The following CDC14A variants were observed in gnomAD, a reference collection of about 807,000 sequenced individuals.
CDC14A encodes cell division cycle 14A, also known as dual specificity protein phosphatase CDC14A.
In CDC14A, 53 loss-of-function variants were observed where a neutral mutation model predicts 74.4. That is an observed-to-expected ratio of 0.71 (90% CI 0.57 to 0.89). The LOEUF (loss-of-function observed/expected upper bound fraction) is 0.89. Among genes scored for constraint, CDC14A ranks in the 40% least tolerant of loss-of-function variants. The pLI is 0.00. For synonymous variants in CDC14A, 247 were observed against 258.4 expected (o/e 0.96, Z 0.43); for missense variants, 646 against 713.7 (o/e 0.91, Z 1.08).
Position 100,498,069 on chromosome 1 carries a change from A to G in CDC14A, c.1299-16A>G. ...GACTACTTTATTGTGACACTTTGCCATTTTTCTCCGCAAAGATTAAGTTCA... is the reference window on the plus strand; with the variant it reads ...GACTACTTTATTGTGACACTTTGCCGTTTTTCTCCGCAAAGATTAAGTTCA... On this transcript the variant is annotated splice_polypyrimidine_tract_variant and intron_variant, in intron 13 of 15. Coordinates refer to ENST00000336454, the MANE Select transcript of CDC14A (RefSeq NM_003672.4). 2 of 1,605,230 alleles carry G rather than the reference A, an allele frequency of 1.2e-6. No homozygotes were observed. Among genetic ancestry groups the G allele is most frequent in the Non-Finnish European group, 1.7e-6 (2 of 1,177,312 alleles).
chr1:100,442,458 G>GA (rs1051362006), intron 6 of CDC14A, among the ~76,000 whole-genome samples: 4 of 148,474 alleles, frequency 2.7e-5, no homozygotes, highest in African/African-American at 4.9e-5. Flanking sequence ...TATTAAGGAA[G>GA]AAAAAACAGT....
At chr1:100,426,403 C>T (rs1662965957) in intron 5 of CDC14A, among the ~76,000 whole-genome samples, 1 of 152,114 alleles carries the variant, frequency 6.6e-6, no homozygotes, top group Non-Finnish European at 1.5e-5. Flanking sequence ...TGAGCCACTG[C>T]ACCCAGTCAA....
rs575255508 is a variant in CDC14A at position 100,426,129 on chromosome 1, A to G, written c.389+1828A>G. Among the ~76,000 whole-genome samples, 3 of 152,308 alleles carry G rather than the reference A, an allele frequency of 2.0e-5. No homozygotes were observed. In the East Asian group the frequency reaches 5.8e-4, roughly 29 times the overall value. ...TACTGTTAGTAACATAATTAATAGT[A>G]GTAGTAATTATTATTACAGGGTCTT... On this transcript the variant is annotated intron_variant, in intron 5 of 15. Transcript: ENST00000336454.
In CDC14A at chr1:100,424,283, C is replaced by G; in HGVS notation, c.371C>G (p.Pro124Arg). 1 of 1,613,328 alleles carries G rather than the reference C, an allele frequency of 6.2e-7. No homozygotes were observed. Among genetic ancestry groups the G allele is most frequent in the Non-Finnish European group, 8.5e-7 (1 of 1,179,336 alleles). Residue 124 changes from proline to arginine, a missense_variant, in exon 5 of 16, where the codon CCC becomes CGC. Transcript: ENST00000336454. ...AGAGCACTCCTGTCTGGCTCAAACCCCCCCTATCTTCCATTCAGGTATAAC... is the reference window on the plus strand; with the variant it reads ...AGAGCACTCCTGTCTGGCTCAAACCGCCCCTATCTTCCATTCAGGTATAAC... The part of the protein sequence containing the change: ...AYRALLSGSN[P>R]PYLPFRDASF...
rs1373516407 is a variant in CDC14A, at chr1:100,508,137, G to A, written c.1755+8875G>A. On this transcript the variant is annotated intron_variant, in intron 15 of 15. Coordinates refer to ENST00000336454, the MANE Select transcript of CDC14A (RefSeq NM_003672.4). The surrounding 1 kb of genome is among the most constrained non-coding windows in gnomAD (Gnocchi z 4.4). ...TTTTCTTTAATGTGTCCATTCTGGAGTATATCCCCCAATCCACTGACCTTT... is the reference window on the plus strand; with the variant it reads ...TTTTCTTTAATGTGTCCATTCTGGAATATATCCCCCAATCCACTGACCTTT... 1.3e-5 allele frequency among the ~76,000 whole-genome samples: 2 copies of A among 152,062 alleles called. No individual in the cohort carries two copies. The highest frequency in any genetic ancestry group is 2.9e-5 in the Non-Finnish European group (2 of 68,014).
intron 10 of CDC14A, among the ~76,000 whole-genome samples, chr1:100,476,466 T>C (rs1310275156): frequency 6.6e-6 from 1 of 152,060 alleles, no homozygotes; most frequent in Non-Finnish European, 1.5e-5. Flanking sequence ...TCAGCTCTAT[T>C]GGCATTTTTG....
intron 10 of CDC14A, among the ~76,000 whole-genome samples, chr1:100,469,091 A>G (rs946893818): frequency 6.6e-6 from 1 of 152,214 alleles, no homozygotes; most frequent in South Asian, 2.1e-4. Context: ...ATTCTTTTCC[A>G]TATAATTATT....
At chr1:100,488,315 A>G (rs1263591315) in intron 11 of CDC14A, among the ~76,000 whole-genome samples, 1 of 152,158 alleles carries the variant, frequency 6.6e-6, no homozygotes, top group Non-Finnish European at 1.5e-5. Flanking sequence ...AGGCCCATTT[A>G]CAGGAGACAT....
chr1:100,491,132 A>G (rs1250952072), intron 11 of CDC14A, among the ~76,000 whole-genome samples: 1 of 152,214 alleles, frequency 6.6e-6, no homozygotes, highest in Non-Finnish European at 1.5e-5. Flanking sequence ...TATCGGTTAA[A>G]TAATAAAATT....
chr1:100,479,137 C>T (rs998355280), intron 10 of CDC14A, among the ~76,000 whole-genome samples: 1 of 152,082 alleles, frequency 6.6e-6, no homozygotes, highest in Non-Finnish European at 1.5e-5. Flanking sequence ...TAAACCATTG[C>T]TTTTTTATTT....
intron 15 of CDC14A, among the ~76,000 whole-genome samples, chr1:100,516,590 C>T (rs1461160138): frequency 6.6e-6 from 1 of 152,114 alleles, no homozygotes; most frequent in Non-Finnish European, 1.5e-5. Flanking sequence ...ACCTTTGTGG[C>T]ATTCTTATAG....
chr1:100,423,950 A>G (rs1410594484), intron 4 of CDC14A: 1 of 370,674 alleles, frequency 2.7e-6, no homozygotes, highest in African/African-American at 2.1e-5. Context: ...TGTCGCTGCC[A>G]TTGTGTCTGT....
At chr1:100,407,847 C>T (rs988101968) in intron 4 of CDC14A, among the ~76,000 whole-genome samples, 10 of 151,930 alleles carry the variant, frequency 6.6e-5, no homozygotes, top group South Asian at 2.1e-4. Context: ...AAGTTGACTT[C>T]GTAATTGTAC....
upstream of CDC14A, among the ~76,000 whole-genome samples, chr1:100,349,107 A>G (rs1245188518): frequency 6.6e-6 from 1 of 152,192 alleles, no homozygotes; most frequent in Non-Finnish European, 1.5e-5. Context: ...GTGGCAGTAG[A>G]ATCGCTTGAA....
chr1:100,365,974 ACACG>A (rs1653539428), intron 2 of CDC14A, among the ~76,000 whole-genome samples: 1 of 151,942 alleles, frequency 6.6e-6, no homozygotes, highest in Non-Finnish European at 1.5e-5. Context: ...ACACACACAC[ACACG>A]GTCTCATTGT....
chr1:100,407,380 G>A (rs1159613939), intron 4 of CDC14A, among the ~76,000 whole-genome samples: 1 of 152,098 alleles, frequency 6.6e-6, no homozygotes, highest in East Asian at 1.9e-4. Context: ...ATTTCTTTGA[G>A]CAGTGGTTTG....
intron 7 of CDC14A, among the ~76,000 whole-genome samples, chr1:100,450,231 A>T (rs1211534213): frequency 2.0e-5 from 3 of 152,234 alleles, no homozygotes; most frequent in Admixed American, 2.0e-4. Flanking sequence ...GAGAAATAGT[A>T]AAGTTTGTTA....
At chr1:100,441,494 G>T (rs2101128440) in intron 6 of CDC14A, among the ~76,000 whole-genome samples, 1 of 152,186 alleles carries the variant, frequency 6.6e-6, no homozygotes, top group South Asian at 2.1e-4. Flanking sequence ...TATTGGCATT[G>T]TCATAAGTAT....
In CDC14A at chr1:100,420,031, T is replaced by TAC. The variant is rs368385925; in HGVS notation, c.310-4159_310-4158dup. Among the ~76,000 whole-genome samples the TAC allele has an allele frequency of 9.5e-4, 79 of 82,888 alleles. 3 individuals carry two copies. Among genetic ancestry groups the TAC allele is most frequent in the East Asian group, 2.4e-3 (7 of 2,882 alleles). The allele number at this position is 82,888 out of a possible 152,430, so 54.4% of individuals were successfully genotyped here. ...ATATATACATATATATATACATATATACACACACACACACACACACACACA... is the reference window on the plus strand; with the variant it reads ...ATATATACATATATATATACATATATACACACACACACACACACACACACACA... On this transcript the variant is annotated intron_variant, in intron 4 of 15. Coordinates refer to ENST00000336454, the MANE Select transcript of CDC14A (RefSeq NM_003672.4).
Sources: gnomAD v4.1 joint callset for allele counts (sites outside exome capture counted in the v4.1 genomes callset) on GRCh38, gnomAD v4.1.1 for gene constraint, Gnocchi (gnomAD v3.1) non-coding constraint, MANE v1.5 for transcripts, NCBI Gene and HGNC (gene_info 2026-07-23, HGNC 2026-07-21) for gene names.